The following PLAG1 variants were observed in gnomAD, a reference collection of about 807,000 sequenced individuals.
PLAG1 encodes the protein PLAG1 zinc finger, also known as zinc finger protein PLAG1.
PLAG1 carries 7 observed loss-of-function variants against 35.5 expected under a neutral mutation model. That is an observed-to-expected ratio of 0.20 (90% confidence interval 0.11 to 0.37). PLAG1 has a LOEUF of 0.37. Ranked by LOEUF, PLAG1 falls within the 10% of genes least tolerant of loss-of-function variation. The pLI is 1.00. For synonymous variants in PLAG1, 229 were observed against 225.4 expected (o/e 1.02, Z -0.14); for missense variants, 454 against 602.8 (o/e 0.75, Z 2.58).
chr8:56,210,590 T>C (rs555530606), intron 1 of PLAG1, among the ~76,000 whole-genome samples: 1 of 152,358 alleles, frequency 6.6e-6, no homozygotes, highest in Admixed American at 6.5e-5. Flanking sequence ...TATTGCCGAC[T>C]GCGGGTTTCC....
At chr8:56,202,382 T>TA (rs1812580171) in intron 1 of PLAG1, among the ~76,000 whole-genome samples, 1 of 152,202 alleles carries the variant, frequency 6.6e-6, no homozygotes, top group African/African-American at 2.4e-5. Context: ...GGCACTGCCA[T>TA]ACACAGGGTG....
chr8:56,193,951 C>T (rs951885179), intron 1 of PLAG1, among the ~76,000 whole-genome samples: 3 of 151,976 alleles, frequency 2.0e-5, no homozygotes, highest in Non-Finnish European at 2.9e-5. Context: ...ATCTCTCGAC[C>T]CCGTGATCCA....
chr8:56,172,831 G>A (rs1006662316), intron 2 of PLAG1, among the ~76,000 whole-genome samples: 16 of 152,142 alleles, frequency 1.1e-4, no homozygotes, highest in African/African-American at 3.9e-4. Context: ...AGGGGATAGT[G>A]CCTATTTTCT....
Position 56,200,210 on chromosome 8 carries a change from C to T in PLAG1, c.-322+10911G>A, listed in dbSNP as rs572843992. Among the ~76,000 whole-genome samples, 190 of 152,332 alleles carry T rather than the reference C, an allele frequency of 1.2e-3. 1 individual carries two copies. Among genetic ancestry groups the T allele is most frequent in the Middle Eastern group, 0.01 (3 of 294 alleles). On this transcript the variant is annotated intron_variant, in intron 1 of 4. Coordinates refer to ENST00000316981, the MANE Select transcript of PLAG1 (RefSeq NM_002655.3). Reference sequence around the variant, plus strand: ...CTACCTCCTCTGTGAGTCTAATTCCCCCAAGTGGTATTAACTTCTTCTATG... The same window carrying T: ...CTACCTCCTCTGTGAGTCTAATTCCTCCAAGTGGTATTAACTTCTTCTATG...
chr8:56,195,512 G>C (rs1181366911), intron 1 of PLAG1, among the ~76,000 whole-genome samples: 1 of 152,180 alleles, frequency 6.6e-6, no homozygotes, highest in Non-Finnish European at 1.5e-5. Context: ...AGCCTTCTTG[G>C]GCCAGCAGGG....
At chr8:56,181,773 T>C (rs767929780) in intron 1 of PLAG1, among the ~76,000 whole-genome samples, 4 of 152,178 alleles carry the variant, frequency 2.6e-5, no homozygotes, top group Non-Finnish European at 5.9e-5. Context: ...AAATGTTAAA[T>C]AAGATCTGCC....
At chr8:56,180,050 C>A (rs559750432) in intron 1 of PLAG1, among the ~76,000 whole-genome samples, 1 of 152,096 alleles carries the variant, frequency 6.6e-6, no homozygotes, top group Non-Finnish European at 1.5e-5. Flanking sequence ...CTTTATGATG[C>A]GATTATTGCT....
chr8:56,206,437 G>A (rs1812703719), intron 1 of PLAG1, among the ~76,000 whole-genome samples: 1 of 151,918 alleles, frequency 6.6e-6, no homozygotes, highest in African/African-American at 2.4e-5. Context: ...AGATATAAAA[G>A]TTAATCTAAC....
chr8:56,168,419 A>C, intron 3 of PLAG1, 33 bp from the exon 4 acceptor site: 1 of 1,062,990 alleles, frequency 9.4e-7, no homozygotes, highest in African/African-American at 1.6e-5. Context: ...ACTAGTTTGT[A>C]ACTAAACTCA....
chr8:56,180,625 T>C (rs1055712309), intron 1 of PLAG1, among the ~76,000 whole-genome samples: 2 of 152,356 alleles, frequency 1.3e-5, no homozygotes, highest in East Asian at 1.9e-4. Context: ...CTTAAATCCA[T>C]CTTGAGTTAA....
At chr8:56,186,078 T>A (rs1812009363) in intron 1 of PLAG1, among the ~76,000 whole-genome samples, 1 of 152,146 alleles carries the variant, frequency 6.6e-6, no homozygotes, top group Admixed American at 6.5e-5. Flanking sequence ...GATTCACTGT[T>A]TTTGGAGCTA....
rs530479586 is a variant in PLAG1 at position 56,166,506 on chromosome 8, G to C, written c.1240C>G (p.Pro414Ala). 6.2e-7 allele frequency: 1 copy of C among 1,614,036 alleles called. No homozygotes were observed. Among genetic ancestry groups the C allele is most frequent in the South Asian group, 1.1e-5 (1 of 91,078 alleles). ...SISISDPLNT[P>A]ALDFSQLFNF... is the part of the protein sequence containing the mutation. ...AACAACTGAGAAAAATCCAATGCTG[G>C]TGTGTTTAGGGGGTCACTGATGGAG... Residue 414 changes from proline (P) to alanine (A), a missense_variant, in exon 5 of 5, where the codon CCA becomes GCA. Pro to Ala is a conservative substitution (Grantham distance 27). Coordinates refer to ENST00000316981, the MANE Select transcript of PLAG1 (RefSeq NM_002655.3).
chr8:56,182,419 G>C (rs1481170524), intron 1 of PLAG1, among the ~76,000 whole-genome samples: 1 of 152,174 alleles, frequency 6.6e-6, no homozygotes, highest in Admixed American at 6.5e-5. Flanking sequence ...TCACCTCTAT[G>C]AGGCAAAATC....
chr8:56,168,257 T>C lies in PLAG1; in HGVS notation c.13A>G (p.Ile5Val), dbSNP rs1032293629. The change falls in exon 4 of 5, where the codon ATT becomes GTT. Residue 5 changes from isoleucine to valine, a missense_variant. This residue lies in a region of PLAG1 where 4 missense variants were observed against 23.6 expected (regional missense o/e 0.17). Coordinates refer to ENST00000316981, the MANE Select transcript of PLAG1 (RefSeq NM_002655.3). Reference sequence around the variant, plus strand: ...CTTACTTCTGACAAATCACCAGGAATGACAGTGGCCATCGCAGCCTAAACC... The same window carrying C: ...CTTACTTCTGACAAATCACCAGGAACGACAGTGGCCATCGCAGCCTAAACC... MATV[I>V]PGDLSEVRDT... 1 of 1,612,192 alleles carries C rather than the reference T, an allele frequency of 6.2e-7. No homozygotes were observed. Among genetic ancestry groups the C allele is most frequent in the Non-Finnish European group, 8.5e-7 (1 of 1,178,824 alleles).
Position 56,167,547 on chromosome 8 carries a change from A to T in PLAG1, c.243-44T>A, listed in dbSNP as rs1811398174. The T allele has an allele frequency of 7.9e-7, 1 of 1,269,632 alleles. No individual in the cohort carries two copies. The highest frequency in any genetic ancestry group is 1.1e-6 in the Non-Finnish European group (1 of 906,854). The allele number at this position is 1,269,632 out of a possible 1,614,324, so 78.6% of individuals were successfully genotyped here. On this transcript the variant is annotated intron_variant, in intron 4 of 4. Transcript: ENST00000316981. This position sits in a 1 kb window ranked among gnomAD's most constrained non-coding sequence, Gnocchi z 5.9. Reference sequence around the variant, plus strand: ...TCTATAAGTAGTTATTATGACAAAAATGGCATGTATTCACTTTTCAAATGG... The same window carrying T: ...TCTATAAGTAGTTATTATGACAAAATTGGCATGTATTCACTTTTCAAATGG...
chr8:56,177,137 T>C (rs1468412050), intron 2 of PLAG1, among the ~76,000 whole-genome samples: 1 of 152,182 alleles, frequency 6.6e-6, no homozygotes, highest in African/African-American at 2.4e-5. Flanking sequence ...CAAAGTAAAG[T>C]GTACTTTAAA....
chr8:56,166,748 T>C lies in PLAG1; in HGVS notation c.998A>G (p.Lys333Arg), dbSNP rs201447686. The change falls in exon 5 of 5, where the codon AAA (lysine) becomes AGA (arginine). Residue 333 changes from lysine to arginine, a missense_variant. Lys to Arg is a conservative substitution (Grantham distance 26, BLOSUM62 2). Coordinates refer to ENST00000316981, the MANE Select transcript of PLAG1 (RefSeq NM_002655.3). The part of the protein sequence containing the change: ...TVHPSHHLSF[K>R]YPFSSTSYAI... ...ATATGAGGTAGAACTGAACGGATAT[T>C]TGAAAGAAAGGTGGTGAGAGGGATG... The C allele has an allele frequency of 6.2e-6, 10 of 1,614,056 alleles. No homozygotes were observed. In the Admixed American group the frequency reaches 1.5e-4, roughly 24 times the overall value.
intron 1 of PLAG1, among the ~76,000 whole-genome samples, chr8:56,195,758 G>A (rs1204666757): frequency 2.0e-5 from 3 of 152,176 alleles, no homozygotes; most frequent in Admixed American, 6.5e-5. Context: ...GCCTGGCTTC[G>A]TGTGGGAGAA....
intron 1 of PLAG1, among the ~76,000 whole-genome samples, chr8:56,209,647 A>C (rs1812791082): frequency 6.6e-6 from 1 of 152,214 alleles, no homozygotes; most frequent in Non-Finnish European, 1.5e-5. Flanking sequence ...AGAAAACCTC[A>C]GCTTAACATT....
Sources: gnomAD v4.1 joint callset for allele counts (sites outside exome capture counted in the v4.1 genomes callset) on GRCh38, gnomAD v4.1.1 for gene constraint, gnomAD v4.1.1 regional missense constraint, Gnocchi (gnomAD v3.1) non-coding constraint, MANE v1.5 for transcripts, NCBI Gene and HGNC (gene_info 2026-07-23, HGNC 2026-07-21) for gene names.